The following IMMP2L variants were observed in gnomAD, a reference collection of about 807,000 sequenced individuals.
IMMP2L encodes the protein mitochondrial inner membrane protease subunit 2.
Under a neutral mutation model 19.3 loss-of-function variants are expected in IMMP2L, and 18 were observed. The observed-to-expected ratio is 0.93, with a 90% CI of 0.64 to 1.38. The LOEUF (loss-of-function observed/expected upper bound fraction) is 1.38. Among genes scored for constraint, IMMP2L ranks in the 40% most tolerant of loss-of-function variants. The pLI, the probability that IMMP2L is intolerant of heterozygous loss-of-function variation, is 0.00. For synonymous variants in IMMP2L, 76 were observed against 73.0 expected (o/e 1.04, Z -0.21); for missense variants, 233 against 218.2 (o/e 1.07, Z -0.43).
chr7:111,471,270 G>A (rs570034007), intron 3 of IMMP2L, among the ~76,000 whole-genome samples: 1 of 152,172 alleles, frequency 6.6e-6, no homozygotes, highest in African/African-American at 2.4e-5. Context: ...GGAAATAAGA[G>A]CAAAATGTAC....
At chr7:111,387,415 T>G (rs1426696697) in intron 3 of IMMP2L, among the ~76,000 whole-genome samples, 2 of 152,152 alleles carry the variant, frequency 1.3e-5, no homozygotes, top group Non-Finnish European at 2.9e-5. Flanking sequence ...ATTATTGGAC[T>G]CAATAACTGT....
chr7:111,441,573 T>C (rs933678122), intron 3 of IMMP2L, among the ~76,000 whole-genome samples: 17 of 151,628 alleles, frequency 1.1e-4, no homozygotes, highest in African/African-American at 3.9e-4. Flanking sequence ...CTGATTATGA[T>C]AATCATAGCA....
At chr7:111,062,427 A>C (rs1794103451) in intron 3 of IMMP2L, among the ~76,000 whole-genome samples, 1 of 152,194 alleles carries the variant, frequency 6.6e-6, no homozygotes, top group South Asian at 2.1e-4. Context: ...ACAAGAGGAG[A>C]TTTGGGTGGG....
intron 3 of IMMP2L, among the ~76,000 whole-genome samples, chr7:111,116,527 A>C (rs1431829389): frequency 6.6e-6 from 1 of 152,138 alleles, no homozygotes; most frequent in Admixed American, 6.5e-5. Context: ...CTAATAAACA[A>C]ATTTCTTTAT....
chr7:111,439,832 C>A (rs1250148991), intron 3 of IMMP2L, among the ~76,000 whole-genome samples: 1 of 151,928 alleles, frequency 6.6e-6, no homozygotes, highest in Non-Finnish European at 1.5e-5. Flanking sequence ...AAACTTCTTT[C>A]AAAATTAGGG....
chr7:110,984,856 T>A (rs1337002161), intron 3 of IMMP2L, among the ~76,000 whole-genome samples: 2 of 152,030 alleles, frequency 1.3e-5, no homozygotes, highest in African/African-American at 4.8e-5. Flanking sequence ...AACCTGTAAA[T>A]ACGTGAGCTT....
At chr7:111,457,763 T>TAA (rs1839798406) in intron 3 of IMMP2L, among the ~76,000 whole-genome samples, 1 of 143,210 alleles carries the variant, frequency 7.0e-6, no homozygotes, top group East Asian at 2.0e-4. Flanking sequence ...TTTGAGTTTC[T>TAA]AAACAGAACC....
Position 110,902,826 on chromosome 7 carries a change from G to A in IMMP2L, c.306-16131C>T, listed in dbSNP as rs1325915843. Reference sequence around the variant, plus strand: ...GGGCGCCTGTAGTCCCAGCTACTTGGGAGGCTGAGGCAGGAGAATGGCGTG... The same window carrying A: ...GGGCGCCTGTAGTCCCAGCTACTTGAGAGGCTGAGGCAGGAGAATGGCGTG... On this transcript the variant is annotated intron_variant, in intron 4 of 5. Coordinates refer to ENST00000405709, the MANE Select transcript of IMMP2L (RefSeq NM_032549.4). Among the ~76,000 whole-genome samples the A allele has an allele frequency of 3.4e-5, 3 of 87,496 alleles. 1 individual carries two copies. Among genetic ancestry groups the A allele is most frequent in the Non-Finnish European group, 6.3e-5 (3 of 47,982 alleles). 57.4% of individuals were successfully genotyped at this position (87,496 alleles called of 152,430 possible). A position where few individuals can be genotyped will look rare whatever the true frequency, so the allele number is the denominator to read the frequency against.
rs558941676 is a variant in IMMP2L at position 110,750,265 on chromosome 7, G to C, written c.409-86544C>G. 2.0e-5 allele frequency among the ~76,000 whole-genome samples: 3 copies of C among 147,380 alleles called. No homozygotes were observed. In the East Asian group the frequency reaches 6.3e-4, roughly 31 times the overall value. On this transcript the variant is annotated intron_variant, in intron 5 of 5. Transcript: ENST00000405709. ...AGAACCAGCTGTAAGAGTTTTTTTT[G>C]TCAATACAAAGCAAGGTCACTGCAT...
At chr7:110,817,755 C>G (rs1802661492) in intron 5 of IMMP2L, among the ~76,000 whole-genome samples, 1 of 151,954 alleles carries the variant, frequency 6.6e-6, no homozygotes, top group South Asian at 2.1e-4. Context: ...GTACTGGTAC[C>G]AAAACAAAGA....
At chr7:111,077,447 T>C (rs892886083) in intron 3 of IMMP2L, among the ~76,000 whole-genome samples, 1 of 152,250 alleles carries the variant, frequency 6.6e-6, no homozygotes, top group African/African-American at 2.4e-5. Flanking sequence ...TCTACTATGA[T>C]GTAGAAGTCT....
intron 3 of IMMP2L, among the ~76,000 whole-genome samples, chr7:111,464,814 G>A (rs1187177196): frequency 6.6e-6 from 1 of 151,840 alleles, no homozygotes; most frequent in Non-Finnish European, 1.5e-5. Context: ...TCCCGAAACG[G>A]AGCCTAGCTT....
chr7:111,282,788 T>C (rs750870951), intron 3 of IMMP2L, among the ~76,000 whole-genome samples: 31 of 152,244 alleles, frequency 2.0e-4, no homozygotes, highest in Middle Eastern at 3.4e-3. Context: ...TTCACCATGT[T>C]GGCCAGGCTG....
At chr7:110,893,492 C>CTGG (rs1811022790) in intron 4 of IMMP2L, among the ~76,000 whole-genome samples, 1 of 152,122 alleles carries the variant, frequency 6.6e-6, no homozygotes, top group Non-Finnish European at 1.5e-5. Context: ...AAATAGTATA[C>CTGG]TACTATATGA....
At chr7:111,309,957 G>A (rs573994495) in intron 3 of IMMP2L, among the ~76,000 whole-genome samples, 20 of 151,958 alleles carry the variant, frequency 1.3e-4, no homozygotes, top group Admixed American at 5.2e-4. Flanking sequence ...CATTCTGGCC[G>A]GGCACGGTGG....
intron 3 of IMMP2L, among the ~76,000 whole-genome samples, chr7:111,014,954 G>A (rs1825355595): frequency 6.6e-6 from 1 of 152,084 alleles, no homozygotes; most frequent in Admixed American, 6.6e-5. Flanking sequence ...CCCTGTTGGT[G>A]GCACTGTAAA....
rs2132725519 is a variant in IMMP2L at position 111,525,958 on chromosome 7, G to A, written c.-2-4509C>T. On this transcript the variant is annotated intron_variant, in intron 1 of 5. Coordinates refer to ENST00000405709, the MANE Select transcript of IMMP2L (RefSeq NM_032549.4). ...CAAGGCTGTCTATTCATCAGAAAAT[G>A]ATCAAGGAAGGCCTGCCCCACTCCA... 2.0e-5 allele frequency among the ~76,000 whole-genome samples: 3 copies of A among 152,170 alleles called. No individual in the cohort carries two copies. The East Asian group carries it at 5.8e-4, about 29-fold the overall frequency.
chr7:111,192,344 C>G (rs896590181), intron 3 of IMMP2L, among the ~76,000 whole-genome samples: 1 of 151,972 alleles, frequency 6.6e-6, no homozygotes, highest in Non-Finnish European at 1.5e-5. Flanking sequence ...CATTTGTTTC[C>G]TTTGACTTTT....
chr7:111,185,975 C>T (rs1477852649), intron 3 of IMMP2L, among the ~76,000 whole-genome samples: 2 of 152,048 alleles, frequency 1.3e-5, no homozygotes, highest in African/African-American at 4.8e-5. Flanking sequence ...TACTTTGAAA[C>T]TATGATTGTT....
Sources: allele counts gnomAD v4.1 joint callset (sites outside exome capture counted in the v4.1 genomes callset), GRCh38; gene constraint gnomAD v4.1.1; transcripts MANE v1.5; gene names NCBI Gene and HGNC (gene_info 2026-07-23, HGNC 2026-07-21).